The following JMJD1C variants were observed in gnomAD, a reference collection of about 807,000 sequenced individuals.
The protein encoded by JMJD1C is jumonji domain containing 1C.
Under a neutral mutation model 245.3 loss-of-function variants are expected in JMJD1C, and 31 were observed. The observed-to-expected ratio is 0.13, with a 90% CI of 0.09 to 0.17. The LOEUF is 0.17. Among genes scored for constraint, JMJD1C ranks in the 10% least tolerant of loss-of-function variants. The pLI is 1.00. For synonymous variants in JMJD1C, 1,057 were observed against 1,017.4 expected (o/e 1.04, Z -0.74); for missense variants, 2,691 against 3,000.2 (o/e 0.90, Z 2.41).
At chr10:63,446,330 C>A (rs564762653) in intron 1 of JMJD1C, among the ~76,000 whole-genome samples, 28 of 152,246 alleles carry the variant, frequency 1.8e-4, no homozygotes, top group Admixed American at 9.2e-4. Context: ...CAAGGCAGAA[C>A]AGGTTAGTAT....
At chr10:63,470,735 A>G (rs1266071491), upstream of JMJD1C, among the ~76,000 whole-genome samples, 3 of 152,118 alleles carry the variant, frequency 2.0e-5, no homozygotes, top group African/African-American at 4.8e-5. Flanking sequence ...AGGGAAAGAG[A>G]AGAAAAAAAG....
At chr10:63,245,156 A>G (rs1265946659) in intron 3 of JMJD1C, among the ~76,000 whole-genome samples, 66 of 136,610 alleles carry the variant, frequency 4.8e-4, no homozygotes, top group South Asian at 2.6e-3. Context: ...AAAAAAAAAA[A>G]AGAGAGATTA....
intron 1 of JMJD1C, among the ~76,000 whole-genome samples, chr10:63,454,806 T>A (rs1435081911): frequency 6.6e-6 from 1 of 152,224 alleles, no homozygotes; most frequent in Non-Finnish European, 1.5e-5. Context: ...ATTCCCCACA[T>A]AATGAATATG....
At chr10:63,310,432 T>G (rs1263982908) in intron 2 of JMJD1C, among the ~76,000 whole-genome samples, 3 of 152,196 alleles carry the variant, frequency 2.0e-5, no homozygotes, top group Non-Finnish European at 4.4e-5. Context: ...GACAACCAAT[T>G]GGAACAGTGG....
chr10:63,474,793 A>T (rs16918491), intron 1 of JMJD1C, among the ~76,000 whole-genome samples: 5,606 of 152,140 alleles, frequency 0.037, 328 homozygotes, highest in East Asian at 0.29. Context: ...CAAAGAGAAG[A>T]CTGAAGGTAA....
At chr10:63,509,558 T>C (rs1010680617) in intron 1 of JMJD1C, among the ~76,000 whole-genome samples, 2 of 152,208 alleles carry the variant, frequency 1.3e-5, no homozygotes, top group Admixed American at 6.5e-5. Context: ...TTTGGGAAGA[T>C]TATTAATTGT....
intron 1 of JMJD1C, among the ~76,000 whole-genome samples, chr10:63,456,311 A>T (rs1486790601): frequency 6.6e-6 from 1 of 152,138 alleles, no homozygotes; most frequent in Non-Finnish European, 1.5e-5. Context: ...ACCAAATAAT[A>T]GTATAATGTT....
chr10:63,487,129 T>C lies in JMJD1C; in HGVS notation n.113+34609A>G, dbSNP rs1159521707. 2.0e-5 allele frequency among the ~76,000 whole-genome samples: 3 copies of C among 152,240 alleles called. No homozygotes were observed. The South Asian group carries it at 6.2e-4, about 32-fold the overall frequency. ...TGTTAAGAATAAGAGGAAGGTATGA[T>C]ATAGGAAGTCTGAAGAGAATAAAGG... On this transcript the variant is annotated intron_variant and non_coding_transcript_variant, in intron 1 of 3. Coordinates refer to the JMJD1C transcript ENST00000633035.
At chr10:63,205,322 G>A (rs1412402552) in intron 10 of JMJD1C, among the ~76,000 whole-genome samples, 1 of 152,140 alleles carries the variant, frequency 6.6e-6, no homozygotes, top group East Asian at 1.9e-4. Context: ...GTCACCAGAT[G>A]ATATAAGAGT....
intron 17 of JMJD1C, among the ~76,000 whole-genome samples, 185 bp downstream of exon 17, chr10:63,190,709 T>G (rs1291531340): frequency 6.6e-6 from 1 of 151,988 alleles, no homozygotes; most frequent in Non-Finnish European, 1.5e-5. Context: ...CCTTTCACCT[T>G]GGAAAAAAAG....
At chr10:63,349,348 G>C (rs1016960357) in intron 2 of JMJD1C, among the ~76,000 whole-genome samples, 2 of 152,154 alleles carry the variant, frequency 1.3e-5, no homozygotes, top group Admixed American at 1.3e-4. Flanking sequence ...CACAATGCCT[G>C]GTATGGAGCA....
At chr10:63,514,960 T>TA (rs1564982333) in intron 1 of JMJD1C, among the ~76,000 whole-genome samples, 1 of 151,802 alleles carries the variant, frequency 6.6e-6, no homozygotes, top group African/African-American at 2.4e-5. Flanking sequence ...TTTTTTTTTT[T>TA]AAAGCCTACA....
intron 3 of JMJD1C, among the ~76,000 whole-genome samples, chr10:63,263,907 G>T (rs188482230): frequency 9.5e-5 from 14 of 147,474 alleles, no homozygotes; most frequent in Admixed American, 4.1e-4. Flanking sequence ...ATTCCAGCCT[G>T]GGTGAAAGAG....
intron 3 of JMJD1C, chr10:63,222,443 C>T (rs754197380): frequency 1.1e-6 from 1 of 942,788 alleles, no homozygotes; most frequent in Non-Finnish European, 1.8e-6. Flanking sequence ...AAAGGAGTTG[C>T]TAAATCTTGA....
intron 10 of JMJD1C, chr10:63,203,833 CAT>C: frequency 2.0e-6 from 2 of 979,036 alleles, no homozygotes; most frequent in Non-Finnish European, 2.4e-6. Context: ...AATCATATTA[CAT>C]AGTTTAGGTG....
intron 1 of JMJD1C, among the ~76,000 whole-genome samples, chr10:63,518,878 C>T (rs1000431237): frequency 6.6e-6 from 1 of 152,208 alleles, no homozygotes; most frequent in Non-Finnish European, 1.5e-5. Flanking sequence ...AAACACAGTT[C>T]CGCTATCTAT....
intron 3 of JMJD1C, among the ~76,000 whole-genome samples, chr10:63,221,404 A>T (rs1848582278): frequency 6.6e-6 from 1 of 152,208 alleles, no homozygotes; most frequent in Non-Finnish European, 1.5e-5. Context: ...AAACATAGTG[A>T]AAGCCAACAG....
chr10:63,308,070 G>C (rs750387144), intron 2 of JMJD1C, among the ~76,000 whole-genome samples: 4 of 151,974 alleles, frequency 2.6e-5, no homozygotes, highest in African/African-American at 9.7e-5. Context: ...AGAATCATTT[G>C]AACCCAGTAG....
intron 1 of JMJD1C, among the ~76,000 whole-genome samples, chr10:63,500,786 T>TGGAC (rs1954530538): frequency 1.3e-5 from 2 of 151,596 alleles, no homozygotes; most frequent in African/African-American, 2.4e-5. Context: ...GATGGATGGA[T>TGGAC]GGATGGATGC....
Sources: allele counts gnomAD v4.1 joint callset (sites outside exome capture counted in the v4.1 genomes callset), GRCh38; gene constraint gnomAD v4.1.1; transcripts MANE v1.5; gene names NCBI Gene and HGNC (gene_info 2026-07-23, HGNC 2026-07-21).